The following SHANK1 variants were observed in gnomAD, a reference collection of about 807,000 sequenced individuals.
The protein encoded by SHANK1 is SH3 and multiple ankyrin repeat domains protein 1.
SHANK1 carries 35 observed loss-of-function variants against 165.6 expected under a neutral mutation model. The observed-to-expected ratio is 0.21, with a 90% CI of 0.16 to 0.28. The LOEUF is 0.28. SHANK1 is among the 10% of genes least tolerant of loss of function. The probability of loss-of-function intolerance (pLI) is 1.00; values close to 1 mark genes in which losing one functional copy is unlikely to be tolerated. For missense variants in SHANK1, 2,681 were observed against 3,036.4 expected, an observed-to-expected ratio of 0.88 and a Z score of 2.75; for synonymous variants, 1,428 against 1,384.8, an observed-to-expected ratio of 1.03 and a Z score of -0.69.
At chr19:50,693,487 C>T (rs760326650) in intron 15 of SHANK1, among the ~76,000 whole-genome samples, 2 of 151,878 alleles carry the variant, frequency 1.3e-5, no homozygotes, top group African/African-American at 4.8e-5. Flanking sequence ...CATCCCTAAG[C>T]GACCCTGAGC....
In SHANK1 at chr19:50,666,586, C is replaced by A. The variant is rs1395568080; in HGVS notation, c.5374G>T (p.Ala1792Ser). The change falls in exon 23 of 24, where the codon GCT becomes TCT. Residue 1792 changes from alanine to serine, a missense_variant. Physicochemically the swap from Ala to Ser is moderately conservative, Grantham distance 99. This residue lies in a region of SHANK1 where 1,713 missense variants were observed against 1,630.2 expected (regional missense o/e 1.05). Coordinates refer to ENST00000293441, the MANE Select transcript of SHANK1 (RefSeq NM_016148.5). The stretch of plus-strand genomic sequence containing the variant: ...AGGGCCAGCAGCCCATCGGTTCCAG[C>A]CCCTGTCACCGAGACGGTGGGGCTG... ...PTSPTVSVTG[A>S]GTDGLLALRA... 4 of 1,600,718 alleles carry A rather than the reference C, an allele frequency of 2.5e-6. No individual in the cohort carries two copies. Among genetic ancestry groups the A allele is most frequent in the Non-Finnish European group, 3.4e-6 (4 of 1,175,736 alleles).
chr19:50,691,383 T>C (rs1986534033), intron 15 of SHANK1, among the ~76,000 whole-genome samples: 1 of 152,104 alleles, frequency 6.6e-6, no homozygotes, highest in Non-Finnish European at 1.5e-5. Flanking sequence ...GCACCCTTCC[T>C]CACTGGAGGC....
intron 9 of SHANK1, 31 bp from the exon 10 acceptor site, chr19:50,704,217 A>T: frequency 6.2e-7 from 1 of 1,605,658 alleles, no homozygotes; most frequent in Non-Finnish European, 8.5e-7. Flanking sequence ...CAGGTCGGCC[A>T]GGGGGGCCCA....
chr19:50,669,259 G>A lies in SHANK1; in HGVS notation c.2701C>T (p.Leu901=). Residue 901 remains leucine (L), a synonymous_variant, in exon 23 of 24, where the codon CTA becomes TTA. Transcript: ENST00000293441. ...IGAAEDDRPY[L]APPAMKFSRS... is the part of the protein sequence containing the mutation. The stretch of plus-strand genomic sequence containing the variant: ...CTGAATTTCATGGCTGGGGGTGCTA[G>A]GTAAGGTCTGTCATCTTCTGCCGCA... 6.2e-7 allele frequency: 1 copy of A among 1,611,308 alleles called. No individual in the cohort carries two copies. Among genetic ancestry groups the A allele is most frequent in the Non-Finnish European group, 8.5e-7 (1 of 1,178,780 alleles).
At position 50,688,802 on chromosome 19, in the gene SHANK1, C is replaced by G. The variant is rs1459929383; in HGVS notation, c.2172+42G>C. 8.8e-6 allele frequency: 14 copies of G among 1,586,504 alleles called. No individual in the cohort carries two copies. Among genetic ancestry groups the G allele is most frequent in the Non-Finnish European group, 1.2e-5 (14 of 1,164,224 alleles). ...TGTGAATCATGAGGGGGTCTGGGAA[C>G]TTGTCACAGGGTCCCAGGGAAGAGA... On this transcript the variant is annotated intron_variant, in intron 17 of 23. Transcript: ENST00000293441. This position sits in a 1 kb window ranked among gnomAD's most constrained non-coding sequence, Gnocchi z 6.7.
chr19:50,662,673 G>A lies in SHANK1; in HGVS notation c.5778C>T (p.Asp1926=), dbSNP rs745571709. The part of the protein sequence containing the change: ...TSSLQRQRLS[D]DSQSSLLSKP... Reference sequence around the variant, plus strand: ...TGGAGAGGAGTGAGGACTGGGAGTCGTCGGAGAGTCTGGAATGTGACAAGG... The same window carrying A: ...TGGAGAGGAGTGAGGACTGGGAGTCATCGGAGAGTCTGGAATGTGACAAGG... The change falls in exon 24 of 24, where the codon GAC becomes GAT. Residue 1926 remains aspartate (D), a synonymous_variant. Coordinates refer to ENST00000293441, the MANE Select transcript of SHANK1 (RefSeq NM_016148.5). This position sits in a 1 kb window ranked among gnomAD's most constrained non-coding sequence, Gnocchi z 7.7. 1.3e-5 allele frequency: 21 copies of A among 1,561,852 alleles called. No homozygotes were observed. Among genetic ancestry groups the A allele is most frequent in the East Asian group, 7.2e-5 (3 of 41,872 alleles).
At chr19:50,683,494 G>C (rs1462920521) in intron 21 of SHANK1, among the ~76,000 whole-genome samples, 1 of 152,142 alleles carries the variant, frequency 6.6e-6, no homozygotes, top group Non-Finnish European at 1.5e-5. Context: ...ACTCATGCCT[G>C]AATGAAGCTT....
At chr19:50,700,621 G>A (rs1357538083) in intron 12 of SHANK1, among the ~76,000 whole-genome samples, 4 of 152,026 alleles carry the variant, frequency 2.6e-5, no homozygotes, top group African/African-American at 4.8e-5. Flanking sequence ...CAGTGACATC[G>A]TGGATGTGGG....
chr19:50,686,755 T>C lies in SHANK1; in HGVS notation c.2447A>G (p.Gln816Arg). Reference sequence around the variant, plus strand: ...CTGGGCCGTCTTACTGAGAGCCATCTGATACACGGTCCGCTTTTTCTCCAT... The same window carrying C: ...CTGGGCCGTCTTACTGAGAGCCATCCGATACACGGTCCGCTTTTTCTCCAT... The part of the protein sequence containing the change: ...PSMEKKRTVY[Q>R]MALNKLDEIL... Residue 816 changes from glutamine (Q) to arginine (R), a missense_variant, in exon 20 of 24, where the codon CAG becomes CGG. Physicochemically the swap from Gln to Arg is conservative, Grantham distance 43. This residue lies in a region of SHANK1 where 206 missense variants were observed against 216.0 expected (regional missense o/e 0.95). Transcript: ENST00000293441. The surrounding 1 kb of genome is among the most constrained non-coding windows in gnomAD (Gnocchi z 5.7). The C allele has an allele frequency of 6.2e-7, 1 of 1,613,798 alleles. No individual in the cohort carries two copies.
chr19:50,694,225 TCA>T (rs895195233), intron 15 of SHANK1, among the ~76,000 whole-genome samples: 1 of 151,010 alleles, frequency 6.6e-6, no homozygotes, highest in Non-Finnish European at 1.5e-5. Flanking sequence ...CTGCAGGCAG[TCA>T]CACACACGCA....
At chr19:50,700,918 G>A (rs1986896208) in intron 12 of SHANK1, among the ~76,000 whole-genome samples, 1 of 151,990 alleles carries the variant, frequency 6.6e-6, no homozygotes, top group African/African-American at 2.4e-5. Flanking sequence ...CTCAACATAT[G>A]TGCATTAAAG....
chr19:50,662,437 G>A lies in SHANK1; in HGVS notation c.6014C>T (p.Pro2005Leu). 6.4e-7 allele frequency: 1 copy of A among 1,555,540 alleles called. No homozygotes were observed. Among genetic ancestry groups the A allele is most frequent in the Non-Finnish European group, 8.7e-7 (1 of 1,151,238 alleles). The change falls in exon 24 of 24, where the codon CCC becomes CTC. Residue 2005 changes from proline (P) to leucine (L), a missense_variant. This residue lies in a region of SHANK1 where 1,713 missense variants were observed against 1,630.2 expected (regional missense o/e 1.05). Transcript: ENST00000293441. This position sits in a 1 kb window ranked among gnomAD's most constrained non-coding sequence, Gnocchi z 7.7. ...LRRAPSPSLLPASEHKVSPAP... is the reference protein window; with the variant it reads ...LRRAPSPSLLLASEHKVSPAP... ...AGGGCTGACCTTGTGCTCCGAGGCG[G>A]GCAGCAGCGAGGGGCTGGGGGCCCG... is the stretch of plus-strand genomic sequence containing the variant.
chr19:50,715,834 C>CA, intron 3 of SHANK1, 104 bp from the exon 4 acceptor site: 2 of 1,130,502 alleles, frequency 1.8e-6, no homozygotes, highest in Middle Eastern at 4.0e-4. Flanking sequence ...TCTAATTCCC[C>CA]GGGGTAGCTC....
intron 8 of SHANK1, among the ~76,000 whole-genome samples, chr19:50,709,069 CGGTTT>C (rs2088977637): frequency 6.6e-6 from 1 of 152,222 alleles, no homozygotes; most frequent in South Asian, 2.1e-4. Flanking sequence ...TGTTATGCAT[CGGTTT>C]GTTAAGCCCA....
intron 3 of SHANK1, 111 bp from the exon 4 acceptor site, chr19:50,715,841 G>A: frequency 1.9e-6 from 2 of 1,064,658 alleles, no homozygotes; most frequent in Non-Finnish European, 2.9e-6. Context: ...CCCCGGGGTA[G>A]CTCAGGGTGG....
Position 50,718,859 on chromosome 19 carries a change from C to T in SHANK1, c.-44+547G>A, listed in dbSNP as rs1273151271. On this transcript the variant is annotated intron_variant, in intron 1 of 23. Transcript: ENST00000293441. The surrounding 1 kb of genome is among the most constrained non-coding windows in gnomAD (Gnocchi z 5.1). ...GAGTCGGGGGCGGGAGCCGAGGGGGCGCGCCGGCCGGCGGTGTAGGGACTG... is the reference window on the plus strand; with the variant it reads ...GAGTCGGGGGCGGGAGCCGAGGGGGTGCGCCGGCCGGCGGTGTAGGGACTG... 6.8e-6 allele frequency among the ~76,000 whole-genome samples: 1 copy of T among 146,584 alleles called. No homozygotes were observed. Among genetic ancestry groups the T allele is most frequent in the Non-Finnish European group, 1.5e-5 (1 of 66,344 alleles).
intron 4 of SHANK1, among the ~76,000 whole-genome samples, chr19:50,715,370 G>T (rs1447469333): frequency 6.6e-6 from 1 of 152,034 alleles, no homozygotes; most frequent in East Asian, 1.9e-4. Flanking sequence ...GGCAGGGGAA[G>T]AGAAGGGAGA....
chr19:50,697,053 T>G lies in SHANK1; in HGVS notation c.1964+43A>C. 1 of 1,454,748 alleles carries G rather than the reference T, an allele frequency of 6.9e-7. No homozygotes were observed. The highest frequency in any genetic ancestry group is 9.5e-7 in the Non-Finnish European group (1 of 1,054,238). 90.1% of individuals were successfully genotyped at this position (1,454,748 alleles called of 1,614,324 possible). On this transcript the variant is annotated intron_variant, in intron 15 of 23. Transcript: ENST00000293441. This position sits in a 1 kb window ranked among gnomAD's most constrained non-coding sequence, Gnocchi z 4.7. ...CACACGCCCCCCAGGCACCCCGTCCTTCCCCTCCTGACCCCATCCCCTCCC... is the reference window on the plus strand; with the variant it reads ...CACACGCCCCCCAGGCACCCCGTCCGTCCCCTCCTGACCCCATCCCCTCCC...
intron 8 of SHANK1, 47 bp downstream of exon 8, chr19:50,711,324 G>T: frequency 7.5e-7 from 1 of 1,331,212 alleles, no homozygotes; most frequent in Non-Finnish European, 1.1e-6. Context: ...TGGGGGAGGC[G>T]GCTATCGGGG....
Sources: gnomAD v4.1 joint callset for allele counts (sites outside exome capture counted in the v4.1 genomes callset) on GRCh38, gnomAD v4.1.1 for gene constraint, gnomAD v4.1.1 regional missense constraint, Gnocchi (gnomAD v3.1) non-coding constraint, MANE v1.5 for transcripts, NCBI Gene and HGNC (gene_info 2026-07-23, HGNC 2026-07-21) for gene names.